Variants in DLG2 observed in about 807,000 individuals in gnomAD.
DLG2 encodes the protein discs large MAGUK scaffold protein 2.
In DLG2, 45 loss-of-function variants were observed where a neutral mutation model predicts 132.5. That is an observed-to-expected ratio of 0.34 (90% CI 0.27 to 0.44). The LOEUF (loss-of-function observed/expected upper bound fraction) is 0.44. Ranked by LOEUF, DLG2 falls within the 20% of genes least tolerant of loss-of-function variation. The pLI is 1.00. For synonymous variants in DLG2, 424 were observed against 419.6 expected (o/e 1.01, Z -0.13); for missense variants, 1,045 against 1,196.9 (o/e 0.87, Z 1.87).
intron 9 of DLG2, among the ~76,000 whole-genome samples, chr11:84,136,023 A>G (rs559659045): frequency 9.9e-5 from 15 of 152,162 alleles, no homozygotes; most frequent in Non-Finnish European, 1.6e-4. Flanking sequence ...GTGGCTGACT[A>G]GACGCAAACA....
At chr11:85,079,362 G>A (rs1249887515) in intron 6 of DLG2, among the ~76,000 whole-genome samples, 1 of 151,952 alleles carries the variant, frequency 6.6e-6, no homozygotes, top group Non-Finnish European at 1.5e-5. Context: ...AAGAGGAGGA[G>A]GATATAATGG....
intron 19 of DLG2, among the ~76,000 whole-genome samples, chr11:83,629,783 G>A (rs188418848): frequency 1.9e-3 from 289 of 152,120 alleles, no homozygotes; most frequent in African/African-American, 6.7e-3. Flanking sequence ...CAAAATACAC[G>A]CAATAAAATT....
At chr11:85,338,701 A>ATTT (rs35378658) in intron 3 of DLG2, among the ~76,000 whole-genome samples, 6 of 83,564 alleles carry the variant, frequency 7.2e-5, no homozygotes, top group Admixed American at 1.4e-4. Flanking sequence ...TGTATAAATA[A>ATTT]TTTTTTTTTT....
intron 3 of DLG2, among the ~76,000 whole-genome samples, chr11:85,395,249 C>A (rs189129021): frequency 1.3e-5 from 2 of 152,274 alleles, no homozygotes; most frequent in East Asian, 1.9e-4. Context: ...AGAAGAGTAA[C>A]ATTTAAGCTG....
intron 6 of DLG2, among the ~76,000 whole-genome samples, chr11:85,036,660 C>G (rs1463405901): frequency 6.6e-6 from 1 of 152,166 alleles, no homozygotes; most frequent in Non-Finnish European, 1.5e-5. Context: ...TTCATTCATT[C>G]ATTTATTCAA....
rs150132936 is a variant in DLG2 at position 83,819,268 on chromosome 11, G to A, written c.1722+14346C>T. Among the ~76,000 whole-genome samples, 1,234 of 151,824 alleles carry A rather than the reference G, an allele frequency of 8.1e-3. 18 individuals carry two copies. The highest frequency in any genetic ancestry group is 0.029 in the African/African-American group (1,181 of 41,398). On this transcript the variant is annotated intron_variant, in intron 17 of 27. Transcript: ENST00000376104. ...GTGGATCACCTGAGGTCAGGAGTTC[G>A]AGACCAGCCTGGCCAACATGGTGAA...
intron 4 of DLG2, among the ~76,000 whole-genome samples, chr11:85,241,326 T>C (rs2075866752): frequency 6.6e-6 from 1 of 151,980 alleles, no homozygotes; most frequent in African/African-American, 2.4e-5. Flanking sequence ...AGTCATATCA[T>C]CTACCAAAAA....
chr11:84,041,032 T>C (rs1258192472), intron 11 of DLG2, among the ~76,000 whole-genome samples: 1 of 151,698 alleles, frequency 6.6e-6, no homozygotes, highest in East Asian at 1.9e-4. Flanking sequence ...TGTCTGTTGT[T>C]GGTGTATAAG....
chr11:84,348,922 A>C (rs1171222209), intron 7 of DLG2, among the ~76,000 whole-genome samples: 1 of 152,216 alleles, frequency 6.6e-6, no homozygotes, highest in Non-Finnish European at 1.5e-5. Context: ...GCTTCCTCAT[A>C]GTCCTCAGAA....
chr11:85,423,818 G>T (rs1205663744), intron 3 of DLG2, among the ~76,000 whole-genome samples: 1 of 152,180 alleles, frequency 6.6e-6, no homozygotes, highest in Non-Finnish European at 1.5e-5. Context: ...CAGGCAGTTG[G>T]AAAGCATGGC....
rs1434287731 is a variant in DLG2, at chr11:85,466,742, G to A, written c.40+131915C>T. 1.8e-4 allele frequency among the ~76,000 whole-genome samples: 27 copies of A among 152,252 alleles called. No individual in the cohort carries two copies. The East Asian group carries it at 1.9e-3, about 11-fold the overall frequency. On this transcript the variant is annotated intron_variant, in intron 3 of 27. Transcript: ENST00000376104. ...GTAGTATAGTTTGAAGTCAGGTAGC[G>A]TGGTGCCTCCAGCTTTGTTATTTTG...
At chr11:84,166,723 A>C (rs1472834783) in intron 8 of DLG2, 1 of 328,716 alleles carries the variant, frequency 3.0e-6, no homozygotes, top group African/African-American at 2.2e-5. Flanking sequence ...ATTCACCCCT[A>C]ACCATAATCT....
intron 2 of DLG2, among the ~76,000 whole-genome samples, chr11:85,605,709 T>C (rs564878541): frequency 2.5e-4 from 38 of 152,330 alleles, no homozygotes; most frequent in African/African-American, 8.7e-4. Flanking sequence ...CTGGGAGCGG[T>C]GGCTCACGCC....
chr11:85,319,682 A>T (rs1409444506), intron 3 of DLG2, among the ~76,000 whole-genome samples: 2 of 151,874 alleles, frequency 1.3e-5, no homozygotes, highest in African/African-American at 4.8e-5. Context: ...AGAAGCAACC[A>T]GCCTGCCAAG....
At chr11:84,663,767 G>A (rs976170097) in intron 6 of DLG2, among the ~76,000 whole-genome samples, 6 of 152,110 alleles carry the variant, frequency 3.9e-5, no homozygotes, top group African/African-American at 1.4e-4. Context: ...GGACCCTGAG[G>A]TTCTGTCATC....
At chr11:85,527,639 T>C (rs2074881118) in intron 3 of DLG2, among the ~76,000 whole-genome samples, 2 of 152,210 alleles carry the variant, frequency 1.3e-5, no homozygotes, top group Non-Finnish European at 1.5e-5. Context: ...CTATTGTAAA[T>C]AGTGCTGCAA....
At chr11:83,734,019 G>A (rs928862314) in intron 18 of DLG2, among the ~76,000 whole-genome samples, 2 of 151,550 alleles carry the variant, frequency 1.3e-5, no homozygotes, top group African/African-American at 4.8e-5. Flanking sequence ...AGAACATGTG[G>A]TAGTTGACTT....
At chr11:83,490,512 G>A (rs755750010) in intron 21 of DLG2, among the ~76,000 whole-genome samples, 3 of 151,980 alleles carry the variant, frequency 2.0e-5, no homozygotes, top group South Asian at 2.1e-4. Context: ...AGAATCATCT[G>A]TGGATGCCTA....
rs1176873990 is a variant in DLG2 at position 84,252,140 on chromosome 11, C to CTTTTTTTTTT, written c.520-859_520-850dup. On this transcript the variant is annotated intron_variant, in intron 7 of 27. Transcript: ENST00000376104. ...GCTGTATCCTGTATTTTCTTTCTTT[C>CTTTTTTTTTT]TTTTTTTTTTTTTTTTTTTTTTTTT... is the stretch of plus-strand genomic sequence containing the variant. Among the ~76,000 whole-genome samples the CTTTTTTTTTT allele has an allele frequency of 4.1e-4, 27 of 65,356 alleles. 1 individual carries two copies. Among genetic ancestry groups the CTTTTTTTTTT allele is most frequent in the Non-Finnish European group, 4.8e-4 (18 of 37,192 alleles). 42.9% of individuals were successfully genotyped at this position (65,356 alleles called of 152,430 possible).
Sources: gnomAD v4.1 joint callset for allele counts (sites outside exome capture counted in the v4.1 genomes callset) on GRCh38, gnomAD v4.1.1 for gene constraint, MANE v1.5 for transcripts, NCBI Gene and HGNC (gene_info 2026-07-23, HGNC 2026-07-21) for gene names.